The following USP15 variants were observed in gnomAD, a reference collection of about 807,000 sequenced individuals.
USP15 encodes the protein ubiquitin specific peptidase 15.
In USP15, 18 loss-of-function variants were observed where a neutral mutation model predicts 127.1. The observed-to-expected ratio is 0.14, with a 90% confidence interval of 0.10 to 0.21. The LOEUF is 0.21. Ranked by LOEUF, USP15 falls within the 10% of genes least tolerant of loss-of-function variation. The pLI, the probability that USP15 is intolerant of heterozygous loss-of-function variation, is 1.00. For synonymous variants in USP15, 364 were observed against 393.7 expected, an observed-to-expected ratio of 0.92 and a Z score of 0.89; for missense variants, 805 against 1,159.9, an observed-to-expected ratio of 0.69 and a Z score of 4.44.
chr12:62,345,245 A>G (rs1223718519), intron 6 of USP15, among the ~76,000 whole-genome samples: 1 of 152,088 alleles, frequency 6.6e-6, no homozygotes, highest in Admixed American at 6.5e-5. Context: ...CAAATTCCCT[A>G]AATCATCTCT....
rs974562333 is a variant in USP15, at chr12:62,336,262, A to T, written c.683+10329A>T. ...AGACTAGACCACTTTTCTGAATTCC[A>T]GATTTTTCATAAATTTCATGTAGGA... On this transcript the variant is annotated intron_variant, in intron 6 of 21. Coordinates refer to ENST00000280377, the MANE Select transcript of USP15 (RefSeq NM_001252078.2). 4 of 985,312 alleles carry T rather than the reference A, an allele frequency of 4.1e-6. No homozygotes were observed. In the African/African-American group the frequency reaches 5.2e-5, roughly 13 times the overall value. The allele number at this position is 985,312 out of a possible 1,614,324, so 61.0% of individuals were successfully genotyped here.
At chr12:62,400,564 G>A (rs1461296433) in intron 20 of USP15, among the ~76,000 whole-genome samples, 6 of 148,754 alleles carry the variant, frequency 4.0e-5, no homozygotes, top group African/African-American at 1.5e-4. Context: ...ACCCATGTAT[G>A]CACAGGACCG....
At chr12:62,385,772 C>G (rs1331107760) in intron 11 of USP15, among the ~76,000 whole-genome samples, 1 of 151,980 alleles carries the variant, frequency 6.6e-6, no homozygotes, top group East Asian at 1.9e-4. Context: ...ATAACAGTGC[C>G]AAACCACATC....
chr12:62,369,783 T>C (rs947465120), intron 8 of USP15, among the ~76,000 whole-genome samples: 2 of 152,162 alleles, frequency 1.3e-5, no homozygotes, highest in African/African-American at 2.4e-5. Context: ...GTGACAAAAA[T>C]GTTACTTTTT....
intron 3 of USP15, among the ~76,000 whole-genome samples, chr12:62,306,621 T>C (rs1159179468): frequency 6.6e-6 from 1 of 152,012 alleles, no homozygotes; most frequent in African/African-American, 2.4e-5. Flanking sequence ...TAGTTTCTTT[T>C]TGTGTTGGTT....
intron 6 of USP15, among the ~76,000 whole-genome samples, chr12:62,341,075 A>G (rs1292037546): frequency 6.6e-6 from 1 of 152,162 alleles, no homozygotes; most frequent in Admixed American, 6.5e-5. Flanking sequence ...GGGTCCACAT[A>G]TATTTAGGAT....
chr12:62,370,472 A>C (rs2066626610), intron 8 of USP15, among the ~76,000 whole-genome samples: 1 of 152,190 alleles, frequency 6.6e-6, no homozygotes, highest in African/African-American at 2.4e-5. Context: ...GCCTGTATTC[A>C]AATCCTAATT....
intron 2 of USP15, among the ~76,000 whole-genome samples, chr12:62,298,900 A>G (rs1387615839): frequency 1.3e-5 from 2 of 151,756 alleles, no homozygotes; most frequent in African/African-American, 4.8e-5. Context: ...GGGAAGGGAA[A>G]TTGGACATCT....
At chr12:62,383,219 C>T (rs2067042386) in intron 9 of USP15, among the ~76,000 whole-genome samples, 1 of 151,810 alleles carries the variant, frequency 6.6e-6, no homozygotes. Flanking sequence ...ACCATTACTC[C>T]TAGGGAAACT....
intron 1 of USP15, among the ~76,000 whole-genome samples, chr12:62,263,614 T>C (rs2063122504): frequency 6.6e-6 from 1 of 152,238 alleles, no homozygotes; most frequent in African/African-American, 2.4e-5. Flanking sequence ...TATTTAGTTC[T>C]AGACTTTATA....
At chr12:62,354,557 G>A (rs2066061538) in intron 7 of USP15, among the ~76,000 whole-genome samples, 1 of 151,896 alleles carries the variant, frequency 6.6e-6, no homozygotes, top group African/African-American at 2.4e-5. Context: ...GCCAAAGGAA[G>A]AGGGATCGTT....
At chr12:62,278,320 T>A (rs2063551511) in intron 1 of USP15, among the ~76,000 whole-genome samples, 1 of 152,166 alleles carries the variant, frequency 6.6e-6, no homozygotes, top group Admixed American at 6.5e-5. Flanking sequence ...AACTTTTTTT[T>A]ATATATAAGT....
intron 7 of USP15, among the ~76,000 whole-genome samples, chr12:62,351,862 C>T (rs1565879374): frequency 1.3e-5 from 2 of 150,258 alleles, no homozygotes; most frequent in African/African-American, 5.0e-5. Flanking sequence ...AGGAACAGAA[C>T]TTAAGCATTC....
At chr12:62,382,292 T>TA (rs71083991) in intron 9 of USP15, among the ~76,000 whole-genome samples, 3,305 of 151,964 alleles carry the variant, frequency 0.022, 51 homozygotes, top group Non-Finnish European at 0.031. Context: ...TTTATATTGT[T>TA]AAAAAAATGC....
intron 3 of USP15, chr12:62,305,620 TGTGA>T (rs771282363): frequency 6.6e-6 from 1 of 152,290 alleles, no homozygotes; most frequent in South Asian, 2.1e-4. Context: ...ATGTAAATGT[TGTGA>T]GTAAGTCTTA....
At chr12:62,292,453 C>T (rs2063999883) in intron 1 of USP15, among the ~76,000 whole-genome samples, 2 of 152,210 alleles carry the variant, frequency 1.3e-5, no homozygotes, top group African/African-American at 4.8e-5. Context: ...AACCTGGGCC[C>T]AGAGGCCACT....
chr12:62,405,570 T>G lies in USP15; in HGVS notation c.*1195T>G, dbSNP rs1004437404. 6.6e-6 allele frequency: 1 copy of G among 152,608 alleles called. No homozygotes were observed. Among genetic ancestry groups the G allele is most frequent in the African/African-American group, 2.4e-5 (1 of 41,460 alleles). The allele number at this position is 152,608 out of a possible 1,614,324, so 9.5% of individuals were successfully genotyped here. A position where few individuals can be genotyped will look rare whatever the true frequency, so the allele number is the denominator to read the frequency against. ...GATGCCAAAAATATGTGTGAACATT[T>G]GAAACATTTTTATTTGCTGCTTTTT... On this transcript the variant is annotated 3_prime_UTR_variant, in exon 22 of 22. Coordinates refer to ENST00000280377, the MANE Select transcript of USP15 (RefSeq NM_001252078.2).
intron 4 of USP15, among the ~76,000 whole-genome samples, chr12:62,317,965 T>C (rs2064878234): frequency 6.6e-6 from 1 of 152,242 alleles, no homozygotes; most frequent in South Asian, 2.1e-4. Flanking sequence ...TTGAAAAATA[T>C]GATTTAATTT....
intron 6 of USP15, among the ~76,000 whole-genome samples, chr12:62,347,194 C>G (rs887649765): frequency 2.0e-5 from 3 of 151,712 alleles, no homozygotes; most frequent in Non-Finnish European, 4.4e-5. Context: ...ACTGAAAATA[C>G]AAATTAATTC....
Sources: gnomAD v4.1 joint callset for allele counts (sites outside exome capture counted in the v4.1 genomes callset) on GRCh38, gnomAD v4.1.1 for gene constraint, MANE v1.5 for transcripts, NCBI Gene and HGNC (gene_info 2026-07-23, HGNC 2026-07-21) for gene names.